The following COL21A1 variants were observed in gnomAD, a reference collection of about 807,000 sequenced individuals.
The protein encoded by COL21A1 is collagen alpha-1(XXI) chain.
Under a neutral mutation model 137.9 loss-of-function variants are expected in COL21A1, and 149 were observed. That is an observed-to-expected ratio of 1.08 (90% CI 0.95 to 1.24). COL21A1 has a LOEUF of 1.24. COL21A1 is among the 50% of genes most tolerant of loss of function. The pLI is 0.00. For missense variants in COL21A1, 1,167 were observed against 1,158.4 expected (o/e 1.01, Z -0.11); for synonymous variants, 456 against 391.5 (o/e 1.16, Z -1.95).
chr6:56,348,726 G>A (rs1191637283), intron 1 of COL21A1, among the ~76,000 whole-genome samples: 1 of 152,130 alleles, frequency 6.6e-6, no homozygotes. Context: ...TTCAAGCTGG[G>A]GCCAGCCTCT....
At chr6:56,175,819 T>A (rs1056341550) in intron 3 of COL21A1, among the ~76,000 whole-genome samples, 1 of 151,890 alleles carries the variant, frequency 6.6e-6, no homozygotes, top group Non-Finnish European at 1.5e-5. Context: ...CCTCAAACAG[T>A]CAAAACAATC....
intron 1 of COL21A1, among the ~76,000 whole-genome samples, chr6:56,319,725 C>T (rs1418816192): frequency 6.6e-6 from 1 of 152,106 alleles, no homozygotes; most frequent in Non-Finnish European, 1.5e-5. Context: ...GATTAGACTA[C>T]CAAATTTAAA....
intron 1 of COL21A1, among the ~76,000 whole-genome samples, chr6:56,308,097 C>T (rs531471474): frequency 9.9e-5 from 15 of 152,268 alleles, no homozygotes; most frequent in South Asian, 4.1e-4. Context: ...ATCCTTATTG[C>T]GGTGGTATCA....
chr6:56,305,381 G>C lies in COL21A1; in HGVS notation c.-39+88590C>G, dbSNP rs1393958526. On this transcript the variant is annotated intron_variant, in intron 1 of 28. Transcript: ENST00000370819. Reference sequence around the variant, plus strand: ...GTGTGGGAGTCTAAGTCTCTTTCTAGGTCTCTAAGGACTTGCTTTATGAAT... The same window carrying C: ...GTGTGGGAGTCTAAGTCTCTTTCTACGTCTCTAAGGACTTGCTTTATGAAT... 5.3e-5 allele frequency among the ~76,000 whole-genome samples: 8 copies of C among 152,208 alleles called. No homozygotes were observed. In the East Asian group the frequency reaches 1.4e-3, roughly 26 times the overall value.
Position 56,097,350 on chromosome 6 carries a change from T to G in COL21A1, c.1812+4122A>C, listed in dbSNP as rs147902452. Among the ~76,000 whole-genome samples the G allele has an allele frequency of 1.7e-3, 263 of 152,214 alleles. 1 individual carries two copies. Among genetic ancestry groups the G allele is most frequent in the Non-Finnish European group, 2.0e-3 (135 of 68,004 alleles). ...AACGTCTACTACCCCATTCACATTATTCTTTGCCTCAGCACCTTGTTTGTC... is the reference window on the plus strand; with the variant it reads ...AACGTCTACTACCCCATTCACATTAGTCTTTGCCTCAGCACCTTGTTTGTC... On this transcript the variant is annotated intron_variant, in intron 17 of 29. Coordinates refer to ENST00000244728, the MANE Select transcript of COL21A1 (RefSeq NM_030820.4).
At chr6:56,203,958 G>A (rs1202127889) in intron 1 of COL21A1, among the ~76,000 whole-genome samples, 1 of 152,150 alleles carries the variant, frequency 6.6e-6, no homozygotes, top group African/African-American at 2.4e-5. Context: ...CTTTTCCCAT[G>A]GTCTTCACAA....
intron 1 of COL21A1, among the ~76,000 whole-genome samples, chr6:56,213,330 T>C (rs1192807613): frequency 6.6e-6 from 1 of 152,110 alleles, no homozygotes; most frequent in Non-Finnish European, 1.5e-5. Flanking sequence ...ATTACCCTCA[T>C]CTACATAATC....
intron 1 of COL21A1, among the ~76,000 whole-genome samples, chr6:56,337,523 T>C (rs1286276194): frequency 2.0e-5 from 3 of 152,276 alleles, no homozygotes; most frequent in Admixed American, 6.5e-5. Context: ...TCCAGGTTTC[T>C]GGTTTAGGGC....
chr6:56,153,623 A>G (rs1476085166), intron 10 of COL21A1, among the ~76,000 whole-genome samples: 1 of 151,786 alleles, frequency 6.6e-6, no homozygotes, highest in Non-Finnish European at 1.5e-5. Context: ...ATTCATTTCA[A>G]TCTGTTGTTT....
intron 2 of COL21A1, among the ~76,000 whole-genome samples, chr6:56,180,664 C>G (rs1217814439): frequency 6.6e-6 from 1 of 152,090 alleles, no homozygotes; most frequent in East Asian, 1.9e-4. Context: ...TACATTTGAA[C>G]AAGTTATAAG....
chr6:56,346,147 G>A (rs913734625), intron 1 of COL21A1, among the ~76,000 whole-genome samples: 8 of 152,228 alleles, frequency 5.3e-5, no homozygotes, highest in African/African-American at 1.9e-4. Context: ...ACACATCTAT[G>A]TGGCCAATGC....
At chr6:56,156,413 T>A (rs1775744798) in intron 10 of COL21A1, among the ~76,000 whole-genome samples, 1 of 152,180 alleles carries the variant, frequency 6.6e-6, no homozygotes, top group Non-Finnish European at 1.5e-5. Context: ...TCTCTGCTCC[T>A]CTGAAATGTA....
intron 12 of COL21A1, among the ~76,000 whole-genome samples, chr6:56,133,639 T>C (rs1383510601): frequency 6.6e-5 from 10 of 152,158 alleles, no homozygotes; most frequent in Admixed American, 6.5e-4. Context: ...TGGCAGCCCC[T>C]CCCATCACAG....
intron 1 of COL21A1, among the ~76,000 whole-genome samples, chr6:56,256,714 C>A (rs1284415473): frequency 6.6e-6 from 1 of 151,914 alleles, no homozygotes; most frequent in East Asian, 1.9e-4. Context: ...TTTTAAAAAC[C>A]CCTTTTTTAA....
chr6:56,121,538 A>G (rs1772518681), intron 16 of COL21A1, among the ~76,000 whole-genome samples: 2 of 141,328 alleles, frequency 1.4e-5, no homozygotes, highest in Admixed American at 7.4e-5. Flanking sequence ...ATACATATAT[A>G]TGTATATTCA....
chr6:56,256,193 A>G (rs949700732), intron 1 of COL21A1, among the ~76,000 whole-genome samples: 1 of 152,176 alleles, frequency 6.6e-6, no homozygotes, highest in African/African-American at 2.4e-5. Flanking sequence ...ACTAAATTCA[A>G]TGGTCTCATA....
intron 1 of COL21A1, among the ~76,000 whole-genome samples, chr6:56,358,838 T>C (rs1765898090): frequency 6.6e-6 from 1 of 152,198 alleles, no homozygotes; most frequent in Admixed American, 6.5e-5. Context: ...AAAATGCACG[T>C]TATGGTCAAA....
intron 2 of COL21A1, among the ~76,000 whole-genome samples, chr6:56,180,373 C>T (rs1034621799): frequency 6.6e-6 from 1 of 152,138 alleles, no homozygotes; most frequent in African/African-American, 2.4e-5. Context: ...AAAATTTCAT[C>T]TTTGATATAT....
chr6:56,227,738 T>C (rs943542270), intron 1 of COL21A1, among the ~76,000 whole-genome samples: 1 of 152,062 alleles, frequency 6.6e-6, no homozygotes, highest in Admixed American at 6.6e-5. Context: ...GAAAGCCTAG[T>C]GATAGCCTCA....
Sources: gnomAD v4.1 joint callset for allele counts (sites outside exome capture counted in the v4.1 genomes callset) on GRCh38, gnomAD v4.1.1 for gene constraint, MANE v1.5 for transcripts, NCBI Gene and HGNC (gene_info 2026-07-23, HGNC 2026-07-21) for gene names.